Variants in BOK observed in about 807,000 individuals in gnomAD.
BOK encodes BCL2 family apoptosis regulator BOK.
BOK carries 20 observed loss-of-function variants against 18.3 expected under a neutral mutation model. That is an observed-to-expected ratio of 1.09 (90% CI 0.77 to 1.59). The LOEUF (loss-of-function observed/expected upper bound fraction) is 1.59. Ranked by LOEUF, BOK falls within the 40% of genes most tolerant of loss-of-function variation. BOK has a pLI of 0.00. For synonymous variants in BOK, 173 were observed against 142.4 expected (o/e 1.21, Z -1.53); for missense variants, 348 against 307.9 (o/e 1.13, Z -0.97).
At position 241,572,717 on chromosome 2, in the gene BOK, A is replaced by T; in HGVS notation, c.*295A>T. On this transcript the variant is annotated 3_prime_UTR_variant, in exon 5 of 5. Transcript: ENST00000318407. ...TTCTGGGGCCAGGAAGTCAGGGTCA[A>T]CTCCCAGGCCTCAGATGCAGGGGCC... The T allele has an allele frequency of 2.3e-6, 1 of 429,122 alleles. No homozygotes were observed. Among genetic ancestry groups the T allele is most frequent in the South Asian group, 2.9e-5 (1 of 34,072 alleles). 26.6% of individuals were successfully genotyped at this position (429,122 alleles called of 1,614,324 possible).
At chr2:241,553,678 C>T (rs192732453) in intron 1 of BOK, among the ~76,000 whole-genome samples, 3 of 152,296 alleles carry the variant, frequency 2.0e-5, no homozygotes, top group Admixed American at 2.0e-4. Flanking sequence ...ACGAGCACTG[C>T]AAATCAGCCC....
rs1426701281 is a variant in BOK at position 241,572,380 on chromosome 2, C to T, written c.597C>T (p.Arg199=). The change falls in exon 5 of 5, where the codon CGC becomes CGT. Residue 199 remains arginine (R), a synonymous_variant. Transcript: ENST00000318407. The part of the protein sequence containing the change: ...WLVAALCSFG[R]FLKAAFFVLL... ...TGGCTGCACTCTGCAGCTTCGGCCGCTTCCTGAAGGCTGCCTTCTTCGTGC... is the reference window on the plus strand; with the variant it reads ...TGGCTGCACTCTGCAGCTTCGGCCGTTTCCTGAAGGCTGCCTTCTTCGTGC... The T allele has an allele frequency of 6.2e-7, 1 of 1,605,272 alleles. No individual in the cohort carries two copies. The highest frequency in any genetic ancestry group is 8.5e-7 in the Non-Finnish European group (1 of 1,179,242).
chr2:241,561,970 C>T (rs1007936636), intron 2 of BOK, among the ~76,000 whole-genome samples: 11 of 152,238 alleles, frequency 7.2e-5, no homozygotes, highest in African/African-American at 2.4e-4. Context: ...GGGGTCTGGC[C>T]GTCTGCCTGG....
chr2:241,570,007 T>C, intron 3 of BOK, 118 bp from the exon 4 acceptor site: 1 of 1,307,220 alleles, frequency 7.6e-7, no homozygotes, highest in Non-Finnish European at 1.0e-6. Context: ...CTTGGGACGG[T>C]CCCTGGTCAT....
chr2:241,552,063 A>C (rs886500555), intron 1 of BOK, among the ~76,000 whole-genome samples: 3 of 152,122 alleles, frequency 2.0e-5, no homozygotes, highest in Non-Finnish European at 4.4e-5. Flanking sequence ...GGTCTCACTG[A>C]GGGTGCTGGG....
chr2:241,554,884 C>T (rs1269345291), upstream of BOK, among the ~76,000 whole-genome samples: 3 of 152,218 alleles, frequency 2.0e-5, no homozygotes, highest in African/African-American at 7.2e-5. Flanking sequence ...GAAGCCCACT[C>T]ACCAACCAGG....
Position 241,572,615 on chromosome 2 carries a change from G to A in BOK, c.*193G>A. 1 of 833,946 alleles carries A rather than the reference G, an allele frequency of 1.2e-6. No individual in the cohort carries two copies. Among genetic ancestry groups the A allele is most frequent in the South Asian group, 1.8e-5 (1 of 55,334 alleles). 51.7% of individuals were successfully genotyped at this position (833,946 alleles called of 1,614,324 possible). ...GTGGGGAGGGGCTTTCCTGAGCCTG[G>A]AGCTGGGCTTTGGGGCAGCCTGCGA... On this transcript the variant is annotated 3_prime_UTR_variant, in exon 5 of 5. Coordinates refer to ENST00000318407, the MANE Select transcript of BOK (RefSeq NM_032515.5).
intron 1 of BOK, 68 bp from the exon 2 acceptor site, chr2:241,559,387 C>G: frequency 9.5e-7 from 1 of 1,051,600 alleles, no homozygotes; most frequent in Non-Finnish European, 1.2e-6. Context: ...CCACGCCCAG[C>G]CCGGCGCCCC....
chr2:241,572,637 G>C lies in BOK; in HGVS notation c.*215G>C. 1 of 659,980 alleles carries C rather than the reference G, an allele frequency of 1.5e-6. No homozygotes were observed. The highest frequency in any genetic ancestry group is 2.5e-6 in the Non-Finnish European group (1 of 393,504). 40.9% of individuals were successfully genotyped at this position (659,980 alleles called of 1,614,324 possible). A position where few individuals can be genotyped will look rare whatever the true frequency, so the allele number is the denominator to read the frequency against. On this transcript the variant is annotated 3_prime_UTR_variant, in exon 5 of 5. Transcript: ENST00000318407. ...CTGGAGCTGGGCTTTGGGGCAGCCT[G>C]CGACCCTCCCCGCTTGTGTCCCTTC...
At chr2:241,558,054 GAC>G (rs60885185), upstream of BOK, among the ~76,000 whole-genome samples, 20 of 143,206 alleles carry the variant, frequency 1.4e-4, no homozygotes, top group Non-Finnish European at 1.8e-4. Context: ...AGAGTTCCGA[GAC>G]ACACACACAC....
rs1357144292 is a variant in BOK at position 241,562,308 on chromosome 2, G to T, written c.221-40G>T. ...AAGCCAGTCGTGTCCCAGGAAGCTG[G>T]GACGTGGGCTGCCTCTCACCTGCTC... is the stretch of plus-strand genomic sequence containing the variant. On this transcript the variant is annotated intron_variant, in intron 2 of 4. Transcript: ENST00000318407. This position sits in a 1 kb window ranked among gnomAD's most constrained non-coding sequence, Gnocchi z 4.5. 1 of 1,552,530 alleles carries T rather than the reference G, an allele frequency of 6.4e-7. No individual in the cohort carries two copies. Among genetic ancestry groups the T allele is most frequent in the South Asian group, 1.2e-5 (1 of 81,842 alleles).
intron 3 of BOK, among the ~76,000 whole-genome samples, chr2:241,569,413 G>A (rs879691751): frequency 1.5e-4 from 23 of 152,224 alleles, no homozygotes; most frequent in Non-Finnish European, 2.6e-4. Context: ...TTCCAGGCGT[G>A]AGCCACCGCG....
At chr2:241,557,308 C>CT (rs59048690), upstream of BOK, among the ~76,000 whole-genome samples, 816 of 126,730 alleles carry the variant, frequency 6.4e-3, 7 homozygotes, top group African/African-American at 8.7e-3. Context: ...TTTCTTTTTC[C>CT]TTTTTTTTTT....
At chr2:241,554,899 G>A (rs942945229), upstream of BOK, among the ~76,000 whole-genome samples, 5 of 152,194 alleles carry the variant, frequency 3.3e-5, no homozygotes, top group Non-Finnish European at 5.9e-5. Flanking sequence ...ACCAGGGACC[G>A]AGTTCCATGC....
intron 2 of BOK, chr2:241,560,234 CG>C: frequency 1.0e-6 from 1 of 985,452 alleles, no homozygotes; most frequent in Middle Eastern, 5.2e-4. Flanking sequence ...GGGTCACACA[CG>C]GTCCACTGGC....
At chr2:241,560,256 G>T in intron 2 of BOK, 14 of 985,424 alleles carry the variant, frequency 1.4e-5, no homozygotes, top group East Asian at 1.1e-4. Flanking sequence ...TGCCCCCACC[G>T]TCTCCAAGGT....
intron 3 of BOK, among the ~76,000 whole-genome samples, chr2:241,569,323 C>T (rs866805421): frequency 4.6e-5 from 7 of 151,888 alleles, no homozygotes; most frequent in Non-Finnish European, 1.0e-4. Context: ...TTAGTAGAGA[C>T]GGTTTCACCA....
chr2:241,559,511 T>C lies in BOK; in HGVS notation c.28T>C (p.Phe10Leu). The part of the protein sequence containing the change: MEVLRRSSV[F>L]AAEIMDAFDR... ...GGAGGTGCTGCGGCGCTCCTCGGTCTTCGCCGCCGAGATCATGGACGCCTT... is the reference window on the plus strand; with the variant it reads ...GGAGGTGCTGCGGCGCTCCTCGGTCCTCGCCGCCGAGATCATGGACGCCTT... The change falls in exon 2 of 5, where the codon TTC becomes CTC. Residue 10 changes from phenylalanine (F) to leucine (L), a missense_variant. Phe to Leu is a conservative substitution (Grantham distance 22). Transcript: ENST00000318407. 2 of 1,496,100 alleles carry C rather than the reference T, an allele frequency of 1.3e-6. No homozygotes were observed. The highest frequency in any genetic ancestry group is 1.8e-6 in the Non-Finnish European group (2 of 1,130,140). 92.7% of individuals were successfully genotyped at this position (1,496,100 alleles called of 1,614,324 possible). A position where few individuals can be genotyped will look rare whatever the true frequency, so the allele number is the denominator to read the frequency against.
chr2:241,572,823 C>G lies in BOK; in HGVS notation c.*401C>G. 5.0e-6 allele frequency: 1 copy of G among 200,076 alleles called. No homozygotes were observed. Among genetic ancestry groups the G allele is most frequent in the South Asian group, 9.6e-5 (1 of 10,406 alleles). The allele number at this position is 200,076 out of a possible 1,614,324, so 12.4% of individuals were successfully genotyped here. ...TCACCTGAGCCCCAGGTGAAGGGGC[C>G]CGGGAACACCTGCTCTCACCTGAAC... is the stretch of plus-strand genomic sequence containing the variant. On this transcript the variant is annotated 3_prime_UTR_variant, in exon 5 of 5. Transcript: ENST00000318407.
Sources: gnomAD v4.1 joint callset for allele counts (sites outside exome capture counted in the v4.1 genomes callset) on GRCh38, gnomAD v4.1.1 for gene constraint, Gnocchi (gnomAD v3.1) non-coding constraint, MANE v1.5 for transcripts, NCBI Gene and HGNC (gene_info 2026-07-23, HGNC 2026-07-21) for gene names.